DENND1A: variants seen among roughly 807,000 people sequenced by gnomAD.
DENND1A encodes DENN domain containing 1A.
Under a neutral mutation model 113.7 loss-of-function variants are expected in DENND1A, and 51 were observed. The observed-to-expected ratio is 0.45, with a 90% confidence interval of 0.36 to 0.57. The LOEUF (loss-of-function observed/expected upper bound fraction) is 0.57, where lower values mean the gene tolerates loss of function less well. Ranked by LOEUF, DENND1A falls within the 20% of genes least tolerant of loss-of-function variation. The pLI is 0.00. For missense variants in DENND1A, 1,258 were observed against 1,395.9 expected (o/e 0.90, Z 1.57); for synonymous variants, 565 against 570.8 (o/e 0.99, Z 0.14).
At chr9:123,507,150 T>C (rs1588894641) in intron 13 of DENND1A, among the ~76,000 whole-genome samples, 1 of 152,104 alleles carries the variant, frequency 6.6e-6, no homozygotes, top group Admixed American at 6.5e-5. Context: ...GATTGTACCA[T>C]TGCACTCCAG....
intron 5 of DENND1A, among the ~76,000 whole-genome samples, chr9:123,702,549 G>A (rs2140700197): frequency 6.6e-6 from 1 of 152,194 alleles, no homozygotes; most frequent in Admixed American, 6.5e-5. Flanking sequence ...AGAAAATCCT[G>A]AAAGCAGCAA....
intron 5 of DENND1A, among the ~76,000 whole-genome samples, chr9:123,734,918 CT>C: frequency 6.6e-6 from 1 of 152,152 alleles, no homozygotes. Flanking sequence ...CCAGTTACTA[CT>C]ACCAGGCAGC....
intron 13 of DENND1A, among the ~76,000 whole-genome samples, chr9:123,540,280 C>G (rs546845712): frequency 6.6e-6 from 1 of 152,156 alleles, no homozygotes; most frequent in African/African-American, 2.4e-5. Context: ...ATTTATTCTT[C>G]CCATTTTACA....
intron 10 of DENND1A, among the ~76,000 whole-genome samples, chr9:123,628,557 C>T (rs1356650374): frequency 2.0e-5 from 3 of 152,106 alleles, no homozygotes; most frequent in Non-Finnish European, 4.4e-5. Context: ...CCCTGAGGAA[C>T]AGAGCAAACG....
chr9:123,497,813 CAAAAA>C (rs755257150), intron 13 of DENND1A, among the ~76,000 whole-genome samples: 11 of 101,762 alleles, frequency 1.1e-4, no homozygotes, highest in Admixed American at 4.3e-4. Context: ...CTCTTCCATC[CAAAAA>C]AAAAAAAAAA....
chr9:123,488,394 T>C (rs1258223502), intron 13 of DENND1A, among the ~76,000 whole-genome samples: 3 of 152,192 alleles, frequency 2.0e-5, no homozygotes, highest in Non-Finnish European at 2.9e-5. Flanking sequence ...TAATTCCAAA[T>C]GCAAAAGACA....
chr9:123,825,315 T>TA (rs568358623), intron 2 of DENND1A, among the ~76,000 whole-genome samples: 12,927 of 141,728 alleles, frequency 0.091, 961 homozygotes, highest in African/African-American at 0.21. Flanking sequence ...GCTCTTCTTT[T>TA]AAAAAAAAAA....
At chr9:123,512,239 T>A (rs2053519935) in intron 13 of DENND1A, among the ~76,000 whole-genome samples, 1 of 152,188 alleles carries the variant, frequency 6.6e-6, no homozygotes, top group African/African-American at 2.4e-5. Flanking sequence ...CCTCTCCTCA[T>A]AATAGGAGAT....
chr9:123,901,264 T>C (rs1453080655), intron 1 of DENND1A, among the ~76,000 whole-genome samples: 2 of 152,112 alleles, frequency 1.3e-5, no homozygotes, highest in Non-Finnish European at 1.5e-5. Flanking sequence ...GAGAAGATGG[T>C]GCCCTGGACC....
intron 22 of DENND1A, 107 bp downstream of exon 22, chr9:123,387,623 C>A (rs2042633333): frequency 7.4e-6 from 9 of 1,215,028 alleles, no homozygotes; most frequent in Admixed American, 2.6e-5. Flanking sequence ...GCTCCAGACA[C>A]CCTCCCCCCG....
intron 2 of DENND1A, among the ~76,000 whole-genome samples, chr9:123,853,483 G>A (rs959232050): frequency 2.2e-4 from 33 of 151,656 alleles, no homozygotes; most frequent in African/African-American, 7.8e-4. Context: ...GGCCAACCTG[G>A]TAAAACCCCA....
intron 5 of DENND1A, among the ~76,000 whole-genome samples, chr9:123,693,804 A>ATATTATTATTAT (rs72061275): frequency 0.025 from 3,510 of 140,158 alleles, 41 homozygotes; most frequent in Non-Finnish European, 0.027. Context: ...TTCATTAGCT[A>ATATTATTATTAT]TATTATTATT....
At chr9:123,502,249 A>G (rs1025781416) in intron 13 of DENND1A, among the ~76,000 whole-genome samples, 1 of 149,680 alleles carries the variant, frequency 6.7e-6, no homozygotes, top group Non-Finnish European at 1.5e-5. Context: ...GGCTCCATAT[A>G]TCTATATCTA....
rs2068238527 is a variant in DENND1A at position 123,732,339 on chromosome 9, G to A, written c.302+25364C>T. ...CAAACTATGAACACATTCTACAGTG[G>A]AATACCTACTCAATAATAAAAGGGA... On this transcript the variant is annotated intron_variant, in intron 5 of 23. Transcript: ENST00000394215. Among the ~76,000 whole-genome samples the A allele has an allele frequency of 2.0e-5, 3 of 152,148 alleles. No homozygotes were observed. The South Asian group carries it at 6.2e-4, about 32-fold the overall frequency.
intron 5 of DENND1A, among the ~76,000 whole-genome samples, chr9:123,696,289 C>T (rs868020661): frequency 6.6e-6 from 1 of 152,192 alleles, no homozygotes. Flanking sequence ...ATTTAACAGA[C>T]AATGGCAGTT....
intron 1 of DENND1A, among the ~76,000 whole-genome samples, chr9:123,920,180 C>T (rs186572525): frequency 6.6e-6 from 1 of 152,308 alleles, no homozygotes; most frequent in African/African-American, 2.4e-5. Flanking sequence ...CCTGTAATCC[C>T]AGCACTTCGG....
chr9:123,621,436 T>C (rs1245743728), intron 10 of DENND1A, among the ~76,000 whole-genome samples: 9 of 152,184 alleles, frequency 5.9e-5, no homozygotes, highest in Admixed American at 3.3e-4. Context: ...ATCCACCCCC[T>C]TGGCCTCCCA....
At chr9:123,926,257 G>A (rs1452897624) in intron 1 of DENND1A, among the ~76,000 whole-genome samples, 2 of 152,082 alleles carry the variant, frequency 1.3e-5, no homozygotes, top group Non-Finnish European at 2.9e-5. Flanking sequence ...GCAAGACAAT[G>A]TTCCTTTATT....
At chr9:123,721,694 T>C (rs1405957994) in intron 5 of DENND1A, among the ~76,000 whole-genome samples, 1 of 152,218 alleles carries the variant, frequency 6.6e-6, no homozygotes, top group Non-Finnish European at 1.5e-5. Context: ...GCTATAAAAA[T>C]GGGAGTTTCC....
Sources: allele counts gnomAD v4.1 joint callset (sites outside exome capture counted in the v4.1 genomes callset), GRCh38; gene constraint gnomAD v4.1.1; transcripts MANE v1.5; gene names NCBI Gene and HGNC (gene_info 2026-07-23, HGNC 2026-07-21).